ENOX1: variants seen among roughly 807,000 people sequenced by gnomAD.
ENOX1 encodes the protein ecto-NOX disulfide-thiol exchanger 1.
In ENOX1, 42 loss-of-function variants were observed where a neutral mutation model predicts 82.5. That is an observed-to-expected ratio of 0.51 (90% CI 0.40 to 0.66). The LOEUF is 0.66. ENOX1 is among the 30% of genes least tolerant of loss of function. The probability of loss-of-function intolerance (pLI) is 0.00; values close to 1 mark genes in which losing one functional copy is unlikely to be tolerated. For missense variants in ENOX1, 608 were observed against 811.6 expected, an observed-to-expected ratio of 0.75 and a Z score of 3.05; for synonymous variants, 271 against 282.2, an observed-to-expected ratio of 0.96 and a Z score of 0.40.
chr13:43,718,771 C>T (rs1371705519), intron 1 of ENOX1, among the ~76,000 whole-genome samples: 3 of 150,002 alleles, frequency 2.0e-5, no homozygotes, highest in African/African-American at 7.4e-5. Flanking sequence ...TGCTGTTGGA[C>T]CCTTCAAACA....
chr13:43,394,721 C>G (rs1423817314), intron 5 of ENOX1: 1 of 153,714 alleles, frequency 6.5e-6, no homozygotes, highest in Non-Finnish European at 1.5e-5. Flanking sequence ...TCTCCAAAGA[C>G]AAACAGGCCC....
intron 2 of ENOX1, among the ~76,000 whole-genome samples, chr13:43,612,449 G>T (rs2082237533): frequency 6.6e-6 from 1 of 152,154 alleles, no homozygotes; most frequent in African/African-American, 2.4e-5. Context: ...TTGGCAAAAA[G>T]ACTACATAAA....
At chr13:43,291,175 G>A (rs999344221) in intron 12 of ENOX1, among the ~76,000 whole-genome samples, 3 of 152,036 alleles carry the variant, frequency 2.0e-5, no homozygotes, top group African/African-American at 4.8e-5. Flanking sequence ...CTTTGAAAGC[G>A]GTTTTTAACT....
intron 2 of ENOX1, among the ~76,000 whole-genome samples, chr13:43,504,601 A>G (rs1045552565): frequency 6.6e-6 from 1 of 151,700 alleles, no homozygotes; most frequent in African/African-American, 2.4e-5. Flanking sequence ...TACTAATATG[A>G]GGAATCTAAA....
At chr13:43,323,862 GA>G (rs2047953821) in intron 10 of ENOX1, among the ~76,000 whole-genome samples, 2 of 152,174 alleles carry the variant, frequency 1.3e-5, no homozygotes, top group Non-Finnish European at 2.9e-5. Flanking sequence ...TTAGCTCACA[GA>G]TTTTAACTAC....
rs542467157 is a variant in ENOX1, at chr13:43,267,136, C to T, written c.1555-1682G>A. On this transcript the variant is annotated intron_variant, in intron 13 of 16. Coordinates refer to ENST00000690772, the MANE Select transcript of ENOX1 (RefSeq NM_001347969.2). ...CTCCCCGCTGCAGCCCACCCCTCTC[C>T]TTCCTCGAGCTGCAGCTCCAGGACA... Among the ~76,000 whole-genome samples, 354 of 152,298 alleles carry T rather than the reference C, an allele frequency of 2.3e-3. 2 individuals are homozygous for T. The highest frequency in any genetic ancestry group is 8.0e-3 in the African/African-American group (333 of 41,566).
intron 1 of ENOX1, among the ~76,000 whole-genome samples, chr13:43,709,888 A>C (rs945276723): frequency 9.2e-5 from 14 of 152,210 alleles, no homozygotes; most frequent in Non-Finnish European, 1.5e-4. Context: ...AATCTCTTCC[A>C]AAAACGGAAA....
intron 14 of ENOX1, among the ~76,000 whole-genome samples, chr13:43,265,194 A>T (rs749348025): frequency 2.6e-5 from 4 of 152,212 alleles, no homozygotes; most frequent in Non-Finnish European, 5.9e-5. Flanking sequence ...ATTAGCTCAC[A>T]TACTTCTAAA....
At chr13:43,654,130 T>C (rs1372846662) in intron 2 of ENOX1, among the ~76,000 whole-genome samples, 4 of 152,190 alleles carry the variant, frequency 2.6e-5, no homozygotes, top group African/African-American at 9.6e-5. Context: ...TATAATCAGT[T>C]GACTTTAGCT....
At chr13:43,608,924 C>T (rs2082083529) in intron 2 of ENOX1, among the ~76,000 whole-genome samples, 1 of 152,180 alleles carries the variant, frequency 6.6e-6, no homozygotes, top group South Asian at 2.1e-4. Context: ...GTGTCAGCTA[C>T]CCACCTCCTT....
chr13:43,505,887 C>A (rs56064124), intron 2 of ENOX1, among the ~76,000 whole-genome samples: 52,056 of 151,838 alleles, frequency 0.34, 11,276 homozygotes, highest in Non-Finnish European at 0.49. Flanking sequence ...GGTTTTAGGT[C>A]TAACATGTAA....
chr13:43,361,844 GA>G (rs1346375648), intron 5 of ENOX1, among the ~76,000 whole-genome samples: 2 of 152,044 alleles, frequency 1.3e-5, no homozygotes, highest in Non-Finnish European at 1.5e-5. Flanking sequence ...AGTGCTCTGT[GA>G]ATCTAATTGT....
intron 1 of ENOX1, among the ~76,000 whole-genome samples, chr13:43,772,235 A>G (rs981044924): frequency 2.0e-5 from 3 of 152,188 alleles, no homozygotes; most frequent in Non-Finnish European, 4.4e-5. Context: ...TCACAGTCAG[A>G]CACTATTTTG....
chr13:43,348,932 T>C (rs1006292455), intron 8 of ENOX1, among the ~76,000 whole-genome samples: 35 of 152,170 alleles, frequency 2.3e-4, no homozygotes, highest in African/African-American at 8.4e-4. Context: ...TATGAAATTG[T>C]GAAGAAGTAA....
chr13:43,272,691 C>CA (rs1252884774), intron 12 of ENOX1, among the ~76,000 whole-genome samples: 3 of 152,032 alleles, frequency 2.0e-5, no homozygotes, highest in East Asian at 1.9e-4. Flanking sequence ...TGAAGATTTT[C>CA]AAAAAAATAC....
chr13:43,549,974 C>A (rs763837505), intron 2 of ENOX1, among the ~76,000 whole-genome samples: 24 of 152,176 alleles, frequency 1.6e-4, no homozygotes, highest in Non-Finnish European at 3.2e-4. Context: ...CCACAGATGG[C>A]AGCAGGGGGA....
intron 2 of ENOX1, among the ~76,000 whole-genome samples, chr13:43,639,305 A>C (rs761439379): frequency 6.6e-6 from 1 of 152,244 alleles, no homozygotes; most frequent in Non-Finnish European, 1.5e-5. Context: ...CCACCTCAAA[A>C]ATAAAAAATA....
intron 11 of ENOX1, among the ~76,000 whole-genome samples, chr13:43,308,160 C>A (rs1412046445): frequency 6.6e-6 from 1 of 152,212 alleles, no homozygotes; most frequent in African/African-American, 2.4e-5. Flanking sequence ...CTTTGCCCTC[C>A]CTTTTCAAGC....
intron 2 of ENOX1, among the ~76,000 whole-genome samples, chr13:43,552,311 T>C (rs957296540): frequency 6.7e-6 from 1 of 150,012 alleles, no homozygotes; most frequent in African/African-American, 2.5e-5. Context: ...TAAACAGTAC[T>C]TCATAAGATA....
Sources: gnomAD v4.1 joint callset for allele counts (sites outside exome capture counted in the v4.1 genomes callset) on GRCh38, gnomAD v4.1.1 for gene constraint, MANE v1.5 for transcripts, NCBI Gene and HGNC (gene_info 2026-07-23, HGNC 2026-07-21) for gene names.